Variants in SDCCAG8 observed in about 807,000 individuals in gnomAD.
SDCCAG8 encodes the protein serologically defined colon cancer antigen 8.
In SDCCAG8, 74 loss-of-function variants were observed where a neutral mutation model predicts 101.8. The observed-to-expected ratio is 0.73, with a 90% CI of 0.60 to 0.88. The LOEUF (loss-of-function observed/expected upper bound fraction) is 0.88, where lower values mean the gene tolerates loss of function less well. Among genes scored for constraint, SDCCAG8 ranks in the 40% least tolerant of loss-of-function variants. SDCCAG8 has a pLI of 0.00. For missense variants in SDCCAG8, 787 were observed against 822.6 expected (o/e 0.96, Z 0.53); for synonymous variants, 281 against 292.9 (o/e 0.96, Z 0.41).
chr1:243,316,448 C>T (rs1297282834), intron 8 of SDCCAG8, among the ~76,000 whole-genome samples: 1 of 152,152 alleles, frequency 6.6e-6, no homozygotes, highest in African/African-American at 2.4e-5. Context: ...CTTTTCAGCA[C>T]CTCCCCCCAC....
rs139141266 is a variant in SDCCAG8, at chr1:243,443,678, A to T, written c.1985+17120A>T. On this transcript the variant is annotated intron_variant, in intron 16 of 17. Transcript: ENST00000366541. Reference sequence around the variant, plus strand: ...TATTAGGAAGAATATAGTAAAAATAATGACAAGATCGAAAACAAATCCTGT... The same window carrying T: ...TATTAGGAAGAATATAGTAAAAATATTGACAAGATCGAAAACAAATCCTGT... Among the ~76,000 whole-genome samples the T allele has an allele frequency of 1.2e-4, 18 of 152,280 alleles. No homozygotes were observed. In the East Asian group the frequency reaches 3.5e-3, roughly 29 times the overall value.
At chr1:243,430,148 T>C (rs1184037937) in intron 16 of SDCCAG8, among the ~76,000 whole-genome samples, 1 of 152,114 alleles carries the variant, frequency 6.6e-6, no homozygotes, top group East Asian at 1.9e-4. Flanking sequence ...GCACTTAACA[T>C]TGATTAAGAA....
intron 9 of SDCCAG8, among the ~76,000 whole-genome samples, chr1:243,323,155 A>G (rs965552151): frequency 1.3e-5 from 2 of 151,594 alleles, no homozygotes; most frequent in African/African-American, 4.8e-5. Flanking sequence ...AAAGCCACTT[A>G]ATGAGTTCCA....
chr1:243,381,080 A>G (rs61833949), intron 13 of SDCCAG8, among the ~76,000 whole-genome samples: 8,860 of 152,084 alleles, frequency 0.058, 352 homozygotes, highest in Middle Eastern at 0.2. Flanking sequence ...CGCAGATAAC[A>G]CCTTACCACA....
intron 4 of SDCCAG8, among the ~76,000 whole-genome samples, chr1:243,285,737 AT>A (rs1268312728): frequency 6.6e-6 from 1 of 152,172 alleles, no homozygotes; most frequent in Non-Finnish European, 1.5e-5. Context: ...AATTCTTTAT[AT>A]TACACCCTGT....
intron 11 of SDCCAG8, among the ~76,000 whole-genome samples, chr1:243,342,188 A>G (rs2075415247): frequency 6.6e-6 from 1 of 152,168 alleles, no homozygotes; most frequent in Non-Finnish European, 1.5e-5. Context: ...GGAATACTTA[A>G]CCTAGATTTA....
chr1:243,488,034 C>G (rs894471600), intron 16 of SDCCAG8, among the ~76,000 whole-genome samples: 2 of 152,202 alleles, frequency 1.3e-5, no homozygotes, highest in East Asian at 3.9e-4. Flanking sequence ...AGGCAGGTAC[C>G]GACCATCGCC....
intron 7 of SDCCAG8, chr1:243,307,392 T>G (rs1351414809): frequency 3.1e-6 from 3 of 983,374 alleles, no homozygotes; most frequent in Admixed American, 6.2e-5. Context: ...TGTAACTTAC[T>G]TTCTTTTGAA....
intron 17 of SDCCAG8, among the ~76,000 whole-genome samples, chr1:243,489,619 A>G (rs1299217661): frequency 6.6e-6 from 1 of 152,344 alleles, no homozygotes; most frequent in South Asian, 2.1e-4. Flanking sequence ...TACTGGGCTA[A>G]TATCTGGAGT....
At chr1:243,488,907 C>CTG (rs781524818) in intron 16 of SDCCAG8, 107 bp from the exon 17 acceptor site, 1 of 1,545,896 alleles carries the variant, frequency 6.5e-7, no homozygotes, top group East Asian at 2.2e-5. Context: ...CCTAGGCGTC[C>CTG]TGCTCATGGT....
intron 17 of SDCCAG8, among the ~76,000 whole-genome samples, chr1:243,491,972 A>G (rs1247479016): frequency 2.0e-5 from 3 of 152,144 alleles, no homozygotes; most frequent in Non-Finnish European, 1.5e-5. Flanking sequence ...GGGTCGGGCA[A>G]TGGTTCCAAA....
At chr1:243,274,146 G>A (rs1000943335) in intron 3 of SDCCAG8, among the ~76,000 whole-genome samples, 2 of 152,202 alleles carry the variant, frequency 1.3e-5, no homozygotes, top group Admixed American at 1.3e-4. Flanking sequence ...GGTGGAAGGT[G>A]AAAGGGGAGC....
intron 1 of SDCCAG8, among the ~76,000 whole-genome samples, chr1:243,266,784 A>AAAAAAAAG (rs1304962243): frequency 6.7e-6 from 1 of 148,820 alleles, no homozygotes; most frequent in Admixed American, 6.7e-5. Context: ...TACAAAAAAA[A>AAAAAAAAG]AAAAAGAAAT....
chr1:243,292,351 G>A (rs1449229025), intron 5 of SDCCAG8, among the ~76,000 whole-genome samples: 1 of 152,170 alleles, frequency 6.6e-6, no homozygotes, highest in Non-Finnish European at 1.5e-5. Flanking sequence ...TTATCACCAT[G>A]GAGATCCTAA....
chr1:243,462,752 G>T (rs1037055474), intron 16 of SDCCAG8, among the ~76,000 whole-genome samples: 1 of 152,118 alleles, frequency 6.6e-6, no homozygotes, highest in South Asian at 2.1e-4. Flanking sequence ...TCATAGTGCT[G>T]TTGGGTCCCC....
intron 8 of SDCCAG8, among the ~76,000 whole-genome samples, chr1:243,308,911 C>CCT (rs1303873914): frequency 6.6e-6 from 1 of 152,166 alleles, no homozygotes; most frequent in East Asian, 1.9e-4. Context: ...CTCAGTGTCA[C>CCT]CTCTCTCTAT....
intron 17 of SDCCAG8, among the ~76,000 whole-genome samples, chr1:243,498,237 C>A (rs893409985): frequency 3.3e-5 from 5 of 150,826 alleles, no homozygotes; most frequent in African/African-American, 1.2e-4. Flanking sequence ...ACAATCAGAT[C>A]GTGTTGGTGG....
At chr1:243,259,673 G>A (rs915932545) in intron 1 of SDCCAG8, among the ~76,000 whole-genome samples, 1 of 151,892 alleles carries the variant, frequency 6.6e-6, no homozygotes, top group African/African-American at 2.4e-5. Flanking sequence ...TACAAAATGA[G>A]CCAGGCGTGG....
At chr1:243,459,016 T>C (rs1379981877) in intron 16 of SDCCAG8, among the ~76,000 whole-genome samples, 1 of 152,200 alleles carries the variant, frequency 6.6e-6, no homozygotes, top group Non-Finnish European at 1.5e-5. Context: ...TATGTTACCT[T>C]AAATTTGAGG....
Sources: gnomAD v4.1 joint callset for allele counts (sites outside exome capture counted in the v4.1 genomes callset) on GRCh38, gnomAD v4.1.1 for gene constraint, MANE v1.5 for transcripts, NCBI Gene and HGNC (gene_info 2026-07-23, HGNC 2026-07-21) for gene names.